The following ADAMTSL1 variants were observed in gnomAD, a reference collection of about 807,000 sequenced individuals.
The protein encoded by ADAMTSL1 is ADAMTS like 1.
A neutral mutation model predicts 201.8 loss-of-function variants in ADAMTSL1; 126 were observed. The observed-to-expected ratio is 0.62, with a 90% confidence interval of 0.54 to 0.72. The LOEUF (loss-of-function observed/expected upper bound fraction) is 0.72. ADAMTSL1 is among the 30% of genes least tolerant of loss of function. The probability of loss-of-function intolerance (pLI) is 0.00; values close to 1 mark genes in which losing one functional copy is unlikely to be tolerated. For synonymous variants in ADAMTSL1, 1,121 were observed against 903.4 expected (o/e 1.24, Z -4.32); for missense variants, 2,679 against 2,277.8 (o/e 1.18, Z -3.59).
chr9:18,182,182 A>G (rs943134887), intron 2 of ADAMTSL1, among the ~76,000 whole-genome samples: 1 of 151,678 alleles, frequency 6.6e-6, no homozygotes, highest in Non-Finnish European at 1.5e-5. Context: ...AGATATACGT[A>G]ATGCTAGATG....
intron 1 of ADAMTSL1, among the ~76,000 whole-genome samples, chr9:18,140,956 T>C (rs1826372476): frequency 6.6e-6 from 1 of 152,238 alleles, no homozygotes; most frequent in Non-Finnish European, 1.5e-5. Flanking sequence ...TTCATTTTTG[T>C]GGCCACCAAG....
At chr9:18,413,661 G>A (rs558749548) in intron 2 of ADAMTSL1, among the ~76,000 whole-genome samples, 1 of 152,284 alleles carries the variant, frequency 6.6e-6, no homozygotes, top group African/African-American at 2.4e-5. Context: ...TGTTTTTAAG[G>A]AAGGAAAGAT....
intron 2 of ADAMTSL1, among the ~76,000 whole-genome samples, chr9:18,316,514 C>A (rs1362905122): frequency 6.6e-6 from 1 of 152,118 alleles, no homozygotes; most frequent in Admixed American, 6.5e-5. Flanking sequence ...AGCGATGTTT[C>A]TCCCATTTGC....
At chr9:17,912,064 T>G (rs1405374470) in intron 1 of ADAMTSL1, among the ~76,000 whole-genome samples, 3 of 54,242 alleles carry the variant, frequency 5.5e-5, no homozygotes, top group African/African-American at 1.0e-4. Flanking sequence ...ATGTGCCACA[T>G]TTTCTTAATC....
intron 1 of ADAMTSL1, among the ~76,000 whole-genome samples, chr9:18,105,430 GC>G (rs1309050010): frequency 2.0e-5 from 3 of 152,160 alleles, no homozygotes; most frequent in Admixed American, 2.0e-4. Context: ...TTCATGCTAT[GC>G]ATTTTATTGT....
intron 1 of ADAMTSL1, among the ~76,000 whole-genome samples, chr9:18,074,590 GT>G (rs1823129519): frequency 1.8e-5 from 1 of 56,570 alleles, no homozygotes; most frequent in Non-Finnish European, 3.9e-5. Context: ...TTTTTTTGTT[GT>G]TGTTGTTATT....
intron 1 of ADAMTSL1, among the ~76,000 whole-genome samples, chr9:18,059,162 C>G (rs1043105163): frequency 6.6e-6 from 1 of 152,130 alleles, no homozygotes; most frequent in Non-Finnish European, 1.5e-5. Context: ...ATCACAGACA[C>G]GAACTCCTGG....
chr9:18,708,150 A>T (rs1587946010), intron 14 of ADAMTSL1, among the ~76,000 whole-genome samples: 1 of 152,234 alleles, frequency 6.6e-6, no homozygotes, highest in African/African-American at 2.4e-5. Context: ...TGTTTTCTAA[A>T]CCATGATATT....
At position 18,065,985 on chromosome 9, in the gene ADAMTSL1, CAAAAAAAAAAAA is replaced by C. The variant is rs34179730; in HGVS notation, c.88-97859_88-97848del. Among the ~76,000 whole-genome samples the C allele has an allele frequency of 6.0e-4, 23 of 38,136 alleles. 1 individual carries two copies. The highest frequency in any genetic ancestry group is 1.7e-3 in the African/African-American group (18 of 10,738). The allele number at this position is 38,136 out of a possible 152,430, so 25.0% of individuals were successfully genotyped here. On this transcript the variant is annotated intron_variant, in intron 1 of 29. Coordinates refer to the ADAMTSL1 transcript ENST00000680146. ...CTTGGGACAGAGCGAGACTCCATCT[CAAAAAAAAAAAA>C]AAAAAAAAAAAAAAAAAGAATGGCA...
chr9:18,641,940 T>C (rs1359131757), intron 7 of ADAMTSL1, among the ~76,000 whole-genome samples: 1 of 152,020 alleles, frequency 6.6e-6, no homozygotes, highest in African/African-American at 2.4e-5. Context: ...TCTTTATAGA[T>C]TTAAATGGCC....
At chr9:17,944,064 G>C (rs1827353548) in intron 1 of ADAMTSL1, among the ~76,000 whole-genome samples, 1 of 151,426 alleles carries the variant, frequency 6.6e-6, no homozygotes, top group Non-Finnish European at 1.5e-5. Flanking sequence ...CTCCCACCGA[G>C]CCCCACCTCC....
At chr9:18,141,156 C>T (rs1826381392) in intron 1 of ADAMTSL1, among the ~76,000 whole-genome samples, 1 of 152,156 alleles carries the variant, frequency 6.6e-6, no homozygotes, top group Non-Finnish European at 1.5e-5. Context: ...AGATTCCTGC[C>T]CTCACAGGGC....
At chr9:18,312,564 T>C (rs1381661864) in intron 2 of ADAMTSL1, among the ~76,000 whole-genome samples, 1 of 152,192 alleles carries the variant, frequency 6.6e-6, no homozygotes, top group African/African-American at 2.4e-5. Context: ...GCCAGATGGA[T>C]AACTGAGTAT....
chr9:18,693,593 T>C (rs1831368935), intron 13 of ADAMTSL1, among the ~76,000 whole-genome samples: 1 of 152,226 alleles, frequency 6.6e-6, no homozygotes, highest in Admixed American at 6.5e-5. Context: ...GTTGCCTCTT[T>C]ATCTAGCCTG....
At chr9:18,265,294 C>G (rs1832079640) in intron 2 of ADAMTSL1, among the ~76,000 whole-genome samples, 1 of 152,058 alleles carries the variant, frequency 6.6e-6, no homozygotes, top group East Asian at 1.9e-4. Flanking sequence ...GTATTGCTTC[C>G]TCAGTTAATT....
intron 2 of ADAMTSL1, among the ~76,000 whole-genome samples, chr9:18,424,291 T>C (rs959989691): frequency 3.3e-5 from 5 of 152,186 alleles, no homozygotes; most frequent in Non-Finnish European, 5.9e-5. Context: ...GTTGAACTCA[T>C]GCTGTAAGAG....
chr9:18,791,157 T>TCC (rs746400753), intron 19 of ADAMTSL1, among the ~76,000 whole-genome samples: 11 of 152,324 alleles, frequency 7.2e-5, no homozygotes, highest in Admixed American at 2.6e-4. Context: ...AATCTCTCTC[T>TCC]CTAGTCGCCA....
At chr9:18,383,901 G>A (rs1353470616) in intron 2 of ADAMTSL1, among the ~76,000 whole-genome samples, 2 of 152,146 alleles carry the variant, frequency 1.3e-5, no homozygotes, top group Non-Finnish European at 1.5e-5. Flanking sequence ...CTGGGGTCTG[G>A]TTAATGCAGA....
chr9:18,540,384 G>A (rs894314669), intron 3 of ADAMTSL1, among the ~76,000 whole-genome samples: 2 of 152,176 alleles, frequency 1.3e-5, no homozygotes, highest in Non-Finnish European at 2.9e-5. Context: ...ATAAAGCAGA[G>A]TAATGGGATG....
Sources: allele counts gnomAD v4.1 joint callset (sites outside exome capture counted in the v4.1 genomes callset), GRCh38; gene constraint gnomAD v4.1.1; transcripts MANE v1.5; gene names NCBI Gene and HGNC (gene_info 2026-07-23, HGNC 2026-07-21).